The following KRABD5 variants were observed in gnomAD, a reference collection of about 807,000 sequenced individuals.
KRABD5 encodes the protein KRAB domain-containing protein 5.
the KRABD5 span, among the ~76,000 whole-genome samples, chr16:31,719,494 G>T: frequency 6.6e-6 from 1 of 152,202 alleles, no homozygotes; most frequent in African/African-American, 2.4e-5. Context: ...TCAAGTTCTT[G>T]TGGCCAGGCT....
At chr16:31,747,043 G>C in the KRABD5 span, among the ~76,000 whole-genome samples, 10 of 151,538 alleles carry the variant, frequency 6.6e-5, no homozygotes, top group Admixed American at 4.0e-4. Context: ...ACAATGTGCA[G>C]GTTTGTTACA....
the KRABD5 span, among the ~76,000 whole-genome samples, chr16:31,715,002 C>T: frequency 2.0e-5 from 3 of 152,138 alleles, no homozygotes; most frequent in South Asian, 2.1e-4. Flanking sequence ...GCAGAAAAGG[C>T]CTTTCTTTCA....
the KRABD5 span, chr16:31,756,499 G>A: frequency 3.3e-5 from 5 of 151,972 alleles, no homozygotes; most frequent in Non-Finnish European, 7.4e-5. Context: ...TCAGAGAAAA[G>A]TGAAAACTCA....
chr16:31,735,372 A>C, the KRABD5 span, among the ~76,000 whole-genome samples: 1 of 152,168 alleles, frequency 6.6e-6, no homozygotes, highest in Non-Finnish European at 1.5e-5. Flanking sequence ...TGCAGTAAAC[A>C]TGGGAATGCA....
chr16:31,717,377 G>C, the KRABD5 span, among the ~76,000 whole-genome samples: 1 of 152,152 alleles, frequency 6.6e-6, no homozygotes, highest in Admixed American at 6.5e-5. Flanking sequence ...AGATAGAGCC[G>C]TATCTTACAG....
At chr16:31,743,923 T>G in the KRABD5 span, among the ~76,000 whole-genome samples, 3 of 152,218 alleles carry the variant, frequency 2.0e-5, no homozygotes, top group Non-Finnish European at 4.4e-5. Context: ...ACTCTCTGCT[T>G]GTCTATTCTT....
chr16:31,713,331 C>T, the KRABD5 span: 1 of 1,512,748 alleles, frequency 6.6e-7, no homozygotes, highest in Non-Finnish European at 9.0e-7. Flanking sequence ...GAGGCCAAGG[C>T]GGCTTCGCGT....
At chr16:31,754,837 C>G in the KRABD5 span, 13 of 469,102 alleles carry the variant, frequency 2.8e-5, no homozygotes, top group Middle Eastern at 3.3e-4. Flanking sequence ...ATCGTTCACA[C>G]CTTACTCAAC....
chr16:31,749,637 T>A, the KRABD5 span, among the ~76,000 whole-genome samples: 1 of 152,298 alleles, frequency 6.6e-6, no homozygotes, highest in African/African-American at 2.4e-5. Flanking sequence ...GGAAGAAGCA[T>A]GGTTTTCCTG....
At chr16:31,716,028 C>G in the KRABD5 span, among the ~76,000 whole-genome samples, 1 of 152,192 alleles carries the variant, frequency 6.6e-6, no homozygotes, top group African/African-American at 2.4e-5. Context: ...CTGAACACAC[C>G]CACTAGGCAC....
the KRABD5 span, chr16:31,722,574 A>G: frequency 1.3e-6 from 2 of 1,597,392 alleles, no homozygotes; most frequent in South Asian, 1.1e-5. Context: ...TTGTCAAGTG[A>G]TGAACTCTGC....
At chr16:31,744,328 C>T in the KRABD5 span, among the ~76,000 whole-genome samples, 4 of 152,036 alleles carry the variant, frequency 2.6e-5, no homozygotes, top group South Asian at 8.3e-4. Context: ...GAGTTTTTAA[C>T]ATGAAGGAAT....
the KRABD5 span, chr16:31,755,713 T>C: frequency 2.5e-6 from 1 of 396,122 alleles, no homozygotes. Context: ...CTAGAGAATT[T>C]CTATAGTTGT....
chr16:31,722,732 A>T, the KRABD5 span: 1 of 1,607,768 alleles, frequency 6.2e-7, no homozygotes, highest in South Asian at 1.1e-5. Flanking sequence ...TTAGAGAACT[A>T]CGGAAACCTG....
At chr16:31,754,366 T>A in the KRABD5 span, 1 of 611,656 alleles carries the variant, frequency 1.6e-6, no homozygotes, top group Non-Finnish European at 2.9e-6. Context: ...GAATAGATAA[T>A]TTGGGAAAAT....
the KRABD5 span, among the ~76,000 whole-genome samples, chr16:31,734,732 T>C: frequency 6.6e-6 from 1 of 151,518 alleles, no homozygotes; most frequent in Non-Finnish European, 1.5e-5. Flanking sequence ...TTATATCAGC[T>C]TTTTTTTCCT....
At chr16:31,755,114 A>G in the KRABD5 span, 4 of 490,974 alleles carry the variant, frequency 8.1e-6, no homozygotes, top group Non-Finnish European at 1.2e-5. Flanking sequence ...GAGAATTCAT[A>G]CTGGAGAGAA....
chr16:31,724,706 A>AG, the KRABD5 span, among the ~76,000 whole-genome samples: 1 of 150,834 alleles, frequency 6.6e-6, no homozygotes, highest in African/African-American at 2.4e-5. Context: ...AAAAAAAAGA[A>AG]AAAAAAAAAA....
chr16:31,723,768 A>C, the KRABD5 span, among the ~76,000 whole-genome samples: 1 of 152,296 alleles, frequency 6.6e-6, no homozygotes, highest in African/African-American at 2.4e-5. Flanking sequence ...TTTTTTTCAG[A>C]AGTCCCAGGA....
Sources: gnomAD v4.1 joint callset for allele counts (sites outside exome capture counted in the v4.1 genomes callset) on GRCh38, gnomAD v4.1.1 for gene constraint, MANE v1.5 for transcripts, NCBI Gene and HGNC (gene_info 2026-07-23, HGNC 2026-07-21) for gene names.